DNAI3: variants seen among roughly 807,000 people sequenced by gnomAD.
DNAI3 encodes the protein WD repeat domain 63.
A neutral mutation model predicts 115.5 loss-of-function variants in DNAI3; 83 were observed. The observed-to-expected ratio is 0.72, with a 90% CI of 0.60 to 0.86. The LOEUF is 0.86. Among genes scored for constraint, DNAI3 ranks in the 40% least tolerant of loss-of-function variants. The pLI is 0.00. For missense variants in DNAI3, 1,004 were observed against 1,075.8 expected (o/e 0.93, Z 0.93); for synonymous variants, 320 against 347.0 (o/e 0.92, Z 0.86).
intron 16 of DNAI3, among the ~76,000 whole-genome samples, chr1:85,110,968 G>A (rs1166942638): frequency 6.6e-6 from 1 of 151,982 alleles, no homozygotes; most frequent in Non-Finnish European, 1.5e-5. Flanking sequence ...AATTGAAGGG[G>A]GCACATATAA....
chr1:85,093,733 A>G (rs1157108725), intron 9 of DNAI3, 85 bp downstream of exon 9: 1 of 1,509,326 alleles, frequency 6.6e-7, no homozygotes, highest in Middle Eastern at 1.7e-4. Flanking sequence ...AAACTAGTTC[A>G]ATGTCAATAA....
intron 18 of DNAI3, 36 bp downstream of exon 18, chr1:85,121,850 T>C (rs376637078): frequency 1.2e-5 from 20 of 1,604,020 alleles, no homozygotes; most frequent in Non-Finnish European, 1.6e-5. Flanking sequence ...TAATAAGATG[T>C]TCCTTTTAAT....
chr1:85,092,832 CACACTTCTA>C (rs1655019478), intron 8 of DNAI3, among the ~76,000 whole-genome samples: 1 of 149,084 alleles, frequency 6.7e-6, no homozygotes, highest in Non-Finnish European at 1.5e-5. Context: ...CACACACACA[CACACTTCTA>C]AACTCCAATT....
chr1:85,111,263 C>T (rs1655650933), intron 16 of DNAI3, among the ~76,000 whole-genome samples: 1 of 152,184 alleles, frequency 6.6e-6, no homozygotes, highest in Non-Finnish European at 1.5e-5. Context: ...CTTTTATAGA[C>T]ATTGTCAAAG....
intron 1 of DNAI3, among the ~76,000 whole-genome samples, chr1:85,065,315 A>C (rs1654062288): frequency 6.6e-6 from 1 of 152,202 alleles, no homozygotes; most frequent in Non-Finnish European, 1.5e-5. Flanking sequence ...CCTAGATAGC[A>C]AGCAGAGAGG....
chr1:85,117,924 T>G, intron 17 of DNAI3, 65 bp downstream of exon 17: 1 of 1,544,204 alleles, frequency 6.5e-7, no homozygotes, highest in South Asian at 1.2e-5. Flanking sequence ...TATTACAATA[T>G]CTACTGTACA....
chr1:85,072,273 TTTAA>T (rs1463774179), intron 2 of DNAI3, among the ~76,000 whole-genome samples: 3 of 152,330 alleles, frequency 2.0e-5, no homozygotes, highest in African/African-American at 7.2e-5. Context: ...ATTTTCTCTG[TTTAA>T]TTATTCACAA....
chr1:85,064,485 C>T (rs1334748111), intron 1 of DNAI3, among the ~76,000 whole-genome samples: 2 of 152,068 alleles, frequency 1.3e-5, no homozygotes, highest in Non-Finnish European at 2.9e-5. Flanking sequence ...GAAGTTTAAT[C>T]AGGGTCTTAG....
intron 1 of DNAI3, among the ~76,000 whole-genome samples, chr1:85,063,313 T>C (rs1477414104): frequency 7.0e-6 from 1 of 142,838 alleles, no homozygotes; most frequent in Non-Finnish European, 1.5e-5. Flanking sequence ...GATGCCTGCA[T>C]GGTGTGGACC....
At chr1:85,111,661 T>C (rs1368498507) in intron 16 of DNAI3, among the ~76,000 whole-genome samples, 1 of 152,164 alleles carries the variant, frequency 6.6e-6, no homozygotes, top group Admixed American at 6.5e-5. Flanking sequence ...AATGTCCTAG[T>C]ATTATTTTTT....
At chr1:85,086,139 T>A in intron 7 of DNAI3, 109 bp downstream of exon 7, 2 of 970,814 alleles carry the variant, frequency 2.1e-6, no homozygotes, top group Non-Finnish European at 1.5e-6. Context: ...GGATTAATGA[T>A]GATGACACAT....
intron 3 of DNAI3, among the ~76,000 whole-genome samples, chr1:85,075,405 T>A (rs1158753769): frequency 6.6e-6 from 1 of 152,152 alleles, no homozygotes; most frequent in Non-Finnish European, 1.5e-5. Flanking sequence ...AAAATAGGAA[T>A]ATGTTTGCTT....
intron 7 of DNAI3, among the ~76,000 whole-genome samples, chr1:85,089,044 A>T (rs1654883445): frequency 6.6e-6 from 1 of 152,178 alleles, no homozygotes; most frequent in African/African-American, 2.4e-5. Context: ...CATTTAATAT[A>T]TTACCTCTCA....
In DNAI3 at chr1:85,126,647, A is replaced by G; in HGVS notation, c.2249A>G (p.His750Arg). Residue 750 changes from histidine (H) to arginine (R), a missense_variant, in exon 20 of 23, where the codon CAT becomes CGT. Coordinates refer to ENST00000294664, the MANE Select transcript of DNAI3 (RefSeq NM_145172.5). ...ATCTGGGACCTTCTGGAGAAAACCC[A>G]TGAACCAGCCCAGTCTCAAAACATT... ...IDIWDLLEKT[H>R]EPAQSQNICI... The G allele has an allele frequency of 6.2e-7, 1 of 1,614,134 alleles. No homozygotes were observed. Among genetic ancestry groups the G allele is most frequent in the South Asian group, 1.1e-5 (1 of 91,080 alleles).
chr1:85,117,972 C>T (rs1655882808), intron 17 of DNAI3, 113 bp downstream of exon 17: 20 of 1,275,668 alleles, frequency 1.6e-5, no homozygotes, highest in Admixed American at 2.5e-5. Context: ...ATACCATTTT[C>T]ATATTTTAGT....
intron 1 of DNAI3, among the ~76,000 whole-genome samples, chr1:85,065,972 A>G (rs1042225543): frequency 2.0e-5 from 3 of 152,360 alleles, no homozygotes; most frequent in Non-Finnish European, 2.9e-5. Flanking sequence ...GTGGTGCACC[A>G]TCACAGGTTT....
intron 13 of DNAI3, among the ~76,000 whole-genome samples, chr1:85,099,121 C>A (rs574129086): frequency 3.3e-5 from 5 of 152,290 alleles, no homozygotes; most frequent in South Asian, 2.1e-4. Flanking sequence ...GTGAGCCCAG[C>A]TGACTGCCCA....
chr1:85,102,931 T>C (rs1246813632), intron 13 of DNAI3, among the ~76,000 whole-genome samples: 2 of 152,166 alleles, frequency 1.3e-5, no homozygotes. Context: ...AGCAAGCACA[T>C]CTCTGGGGTC....
intron 3 of DNAI3, among the ~76,000 whole-genome samples, chr1:85,077,891 T>C (rs1343151515): frequency 6.6e-6 from 1 of 151,830 alleles, no homozygotes; most frequent in Non-Finnish European, 1.5e-5. Flanking sequence ...AAAAAAAGAA[T>C]GTACAATTGA....
Sources: allele counts gnomAD v4.1 joint callset (sites outside exome capture counted in the v4.1 genomes callset), GRCh38; gene constraint gnomAD v4.1.1; transcripts MANE v1.5; gene names NCBI Gene and HGNC (gene_info 2026-07-23, HGNC 2026-07-21).